KANK4: variants seen among roughly 807,000 people sequenced by gnomAD.
KANK4 encodes the protein KN motif and ankyrin repeat domains 4.
A neutral mutation model predicts 80.8 loss-of-function variants in KANK4; 50 were observed. The observed-to-expected ratio is 0.62, with a 90% CI of 0.49 to 0.78. The LOEUF (loss-of-function observed/expected upper bound fraction) is 0.78, where lower values mean the gene tolerates loss of function less well. KANK4 is among the 30% of genes least tolerant of loss of function. KANK4 has a pLI of 0.00. For synonymous variants in KANK4, 465 were observed against 506.9 expected, an observed-to-expected ratio of 0.92 and a Z score of 1.11; for missense variants, 1,196 against 1,240.1, an observed-to-expected ratio of 0.96 and a Z score of 0.53.
chr1:62,277,869 G>T (rs1011205030), intron 2 of KANK4, among the ~76,000 whole-genome samples: 2 of 152,172 alleles, frequency 1.3e-5, no homozygotes, highest in Non-Finnish European at 2.9e-5. Context: ...TTTTGGGATG[G>T]CTTGTTATGC....
chr1:62,257,765 C>T (rs1414223940), intron 7 of KANK4, among the ~76,000 whole-genome samples: 1 of 152,208 alleles, frequency 6.6e-6, no homozygotes, highest in Non-Finnish European at 1.5e-5. Flanking sequence ...CCCCTTCTTA[C>T]TTTACCTTTA....
At chr1:62,279,885 C>T (rs1253936300) in intron 2 of KANK4, among the ~76,000 whole-genome samples, 1 of 152,142 alleles carries the variant, frequency 6.6e-6, no homozygotes, top group African/African-American at 2.4e-5. Context: ...ACCTGGAATT[C>T]CCTACGGAGT....
intron 9 of KANK4, among the ~76,000 whole-genome samples, chr1:62,245,889 G>A (rs1029350053): frequency 6.6e-6 from 1 of 152,162 alleles, no homozygotes; most frequent in African/African-American, 2.4e-5. Context: ...ATGATATGTG[G>A]CGGGCACTCT....
rs569560714 is a variant in KANK4, at chr1:62,237,162, T to C, written c.*1115A>G. On this transcript the variant is annotated 3_prime_UTR_variant, in exon 10 of 10. Coordinates refer to ENST00000371153, the MANE Select transcript of KANK4 (RefSeq NM_181712.5). ...TTTTTTTTTTTTGCATAAGAGATTT[T>C]AAGAGAGCAGATTTAAGAAAGATTC... 6.6e-6 allele frequency: 1 copy of C among 151,058 alleles called. No homozygotes were observed. The highest frequency in any genetic ancestry group is 6.6e-5 in the Admixed American group (1 of 15,146). 9.4% of individuals were successfully genotyped at this position (151,058 alleles called of 1,614,324 possible). A position where few individuals can be genotyped will look rare whatever the true frequency, so the allele number is the denominator to read the frequency against.
intron 7 of KANK4, among the ~76,000 whole-genome samples, chr1:62,262,360 G>A (rs560329105): frequency 6.6e-6 from 1 of 152,234 alleles, no homozygotes; most frequent in African/African-American, 2.4e-5. Context: ...CAGGCAAAGT[G>A]GTCTAGTCCA....
At chr1:62,295,921 A>G (rs2149163373) in intron 1 of KANK4, among the ~76,000 whole-genome samples, 1 of 148,922 alleles carries the variant, frequency 6.7e-6, no homozygotes, top group South Asian at 2.2e-4. Context: ...ATAACAATAA[A>G]AATAGTTGCC....
chr1:62,268,206 A>G (rs145697489), intron 5 of KANK4, 81 bp downstream of exon 5: 72 of 1,107,698 alleles, frequency 6.5e-5, no homozygotes, highest in Non-Finnish European at 8.1e-5. Context: ...TGAATGAACA[A>G]ATGATCGCAT....
intron 1 of KANK4, among the ~76,000 whole-genome samples, chr1:62,288,962 T>A (rs527577431): frequency 6.6e-6 from 1 of 152,312 alleles, no homozygotes; most frequent in East Asian, 1.9e-4. Context: ...AGATGTCAGA[T>A]AAATCCTGAC....
chr1:62,262,944 A>C (rs151144052), intron 7 of KANK4, 148 bp downstream of exon 7: 44 of 684,256 alleles, frequency 6.4e-5, no homozygotes, highest in Middle Eastern at 7.8e-4. Flanking sequence ...GGTATACTAC[A>C]AGACCAGACT....
At chr1:62,243,977 T>C (rs1212658547) in intron 9 of KANK4, among the ~76,000 whole-genome samples, 2 of 152,030 alleles carry the variant, frequency 1.3e-5, no homozygotes, top group Non-Finnish European at 2.9e-5. Flanking sequence ...TTGTTTTAGC[T>C]ATCACTGTTC....
intron 1 of KANK4, among the ~76,000 whole-genome samples, chr1:62,310,998 C>A (rs1330136846): frequency 6.6e-6 from 1 of 152,050 alleles, no homozygotes; most frequent in African/African-American, 2.4e-5. Flanking sequence ...ATCACTCCTG[C>A]AGACTGTATG....
intron 7 of KANK4, among the ~76,000 whole-genome samples, chr1:62,255,648 G>GTTTA (rs989418937): frequency 7.2e-5 from 11 of 152,092 alleles, no homozygotes; most frequent in South Asian, 2.1e-4. Flanking sequence ...AATTTATTGA[G>GTTTA]TTTATTTATT....
At chr1:62,266,892 C>T in intron 5 of KANK4, 73 bp from the exon 6 acceptor site, 2 of 970,932 alleles carry the variant, frequency 2.1e-6, no homozygotes, top group Non-Finnish European at 3.2e-6. Context: ...TTTCACTCTC[C>T]TCCTCTTTCA....
chr1:62,315,992 A>T (rs1008194964), intron 1 of KANK4, among the ~76,000 whole-genome samples: 3 of 152,212 alleles, frequency 2.0e-5, no homozygotes, highest in Admixed American at 2.0e-4. Context: ...TGAATTCCTG[A>T]ATCAATGAAA....
intron 1 of KANK4, among the ~76,000 whole-genome samples, chr1:62,297,400 C>A (rs1644375545): frequency 6.6e-6 from 1 of 152,076 alleles, no homozygotes; most frequent in Non-Finnish European, 1.5e-5. Flanking sequence ...TTTCACAGAT[C>A]ACAGGTTCAG....
Position 62,281,683 on chromosome 1 carries a change from T to C in KANK4, c.-70-49A>G. ...GTGGTGAGTCTCATTAGCGTTTGAA[T>C]AAGTATTGGGGAAACACAGCACTAA... On this transcript the variant is annotated intron_variant, in intron 1 of 9. Coordinates refer to ENST00000371153, the MANE Select transcript of KANK4 (RefSeq NM_181712.5). 2.6e-6 allele frequency: 3 copies of C among 1,171,148 alleles called. No individual in the cohort carries two copies. The South Asian group carries it at 3.6e-5, about 14-fold the overall frequency. The allele number at this position is 1,171,148 out of a possible 1,614,324, so 72.5% of individuals were successfully genotyped here.
intron 4 of KANK4, among the ~76,000 whole-genome samples, chr1:62,270,235 G>A (rs1476479768): frequency 6.6e-6 from 1 of 152,168 alleles, no homozygotes; most frequent in Non-Finnish European, 1.5e-5. Flanking sequence ...GCTGGGGAGA[G>A]ACGTGACCTA....
chr1:62,300,646 G>C (rs1258571931), intron 1 of KANK4, among the ~76,000 whole-genome samples: 2 of 152,094 alleles, frequency 1.3e-5, no homozygotes, highest in East Asian at 3.9e-4. Flanking sequence ...CGGGGAAGCG[G>C]ATGGCGGAAG....
Position 62,273,594 on chromosome 1 carries a change from C to T in KANK4, c.1510G>A (p.Ala504Thr), listed in dbSNP as rs1672222511. ...FLSTELRIEEAGTEQEGGPQG... is the reference protein window; with the variant it reads ...FLSTELRIEETGTEQEGGPQG... ...GGGCCTCCTTCCTGTTCAGTGCCTG[C>T]TTCTTCAATCCTGAGTTCAGTGGAG... Residue 504 changes from alanine (A) to threonine (T), a missense_variant, in exon 3 of 10, where the codon GCA becomes ACA. Physicochemically the swap from Ala to Thr is moderately conservative, Grantham distance 58. This residue lies in a region of KANK4 where 1,154 missense variants were observed against 1,179.6 expected (regional missense o/e 0.98). Coordinates refer to ENST00000371153, the MANE Select transcript of KANK4 (RefSeq NM_181712.5). 6.2e-7 allele frequency: 1 copy of T among 1,614,034 alleles called. No individual in the cohort carries two copies. The highest frequency in any genetic ancestry group is 8.5e-7 in the Non-Finnish European group (1 of 1,180,022).
Sources: allele counts gnomAD v4.1 joint callset (sites outside exome capture counted in the v4.1 genomes callset), GRCh38; gene constraint gnomAD v4.1.1; regional missense constraint gnomAD v4.1.1; transcripts MANE v1.5; gene names NCBI Gene and HGNC (gene_info 2026-07-23, HGNC 2026-07-21).